The following IGFBP3 variants were observed in gnomAD, a reference collection of about 807,000 sequenced individuals.
IGFBP3 encodes insulin-like growth factor-binding protein 3.
A neutral mutation model predicts 28.6 loss-of-function variants in IGFBP3; 9 were observed. The ratio of observed to expected loss-of-function variants is 0.31; its 90% CI spans 0.19 to 0.55. The LOEUF is 0.55. IGFBP3 is among the 20% of genes least tolerant of loss of function. IGFBP3 has a pLI of 0.93. For synonymous variants in IGFBP3, 185 were observed against 188.2 expected (o/e 0.98, Z 0.14); for missense variants, 382 against 428.9 (o/e 0.89, Z 0.97).
chr7:45,919,586 C>G (rs1261736973), intron 1 of IGFBP3, among the ~76,000 whole-genome samples: 3 of 152,218 alleles, frequency 2.0e-5, no homozygotes, highest in Admixed American at 1.3e-4. Context: ...GTTCATCCTG[C>G]TAGCCCTAGA....
At chr7:45,920,478 C>A in intron 1 of IGFBP3, 1 of 387,736 alleles carries the variant, frequency 2.6e-6, no homozygotes, top group Non-Finnish European at 4.5e-6. Context: ...GCTCCGGAAA[C>A]CTTTAACCCA....
In IGFBP3 at chr7:45,912,350, TA is replaced by T. The variant is rs1424727243; in HGVS notation, c.*1499del. The T allele has an allele frequency of 1.3e-5, 2 of 152,112 alleles. No individual in the cohort carries two copies. Among genetic ancestry groups the T allele is most frequent in the African/African-American group, 2.4e-5 (1 of 41,566 alleles). 9.4% of individuals were successfully genotyped at this position (152,112 alleles called of 1,614,324 possible). A position where few individuals can be genotyped will look rare whatever the true frequency, so the allele number is the denominator to read the frequency against. On this transcript the variant is annotated 3_prime_UTR_variant, in exon 5 of 5. Transcript: ENST00000613132. The stretch of plus-strand genomic sequence containing the variant: ...AGATGGTCAATAACAAAGGGAAAGA[TA>T]TTTTTTTAATGGTAAAAACTTTATT...
Position 45,914,800 on chromosome 7 carries a change from C to T in IGFBP3, c.*15+5G>A, listed in dbSNP as rs375547886. 1.0e-4 allele frequency: 169 copies of T among 1,613,268 alleles called. No individual in the cohort carries two copies. Among genetic ancestry groups the T allele is most frequent in the Middle Eastern group, 1.6e-4 (1 of 6,078 alleles). On this transcript the variant is annotated splice_donor_5th_base_variant and intron_variant, in intron 4 of 4. Coordinates refer to ENST00000613132, the MANE Select transcript of IGFBP3 (RefSeq NM_000598.5). ...AGCCCCAGGCTGCCCCTCCTGAGTACTCACCCTTGCGGCAGGCGTCTACTT... is the reference window on the plus strand; with the variant it reads ...AGCCCCAGGCTGCCCCTCCTGAGTATTCACCCTTGCGGCAGGCGTCTACTT...
At chr7:45,917,801 G>C (rs775053463) in intron 1 of IGFBP3, among the ~76,000 whole-genome samples, 14 of 152,172 alleles carry the variant, frequency 9.2e-5, no homozygotes, top group Non-Finnish European at 2.1e-4. Flanking sequence ...CTGCAGCGCC[G>C]GCTCAGAAAT....
chr7:45,920,541 A>C (rs1047868854), intron 1 of IGFBP3, 197 bp downstream of exon 1: 61 of 450,204 alleles, frequency 1.4e-4, no homozygotes, highest in Non-Finnish European at 1.4e-4. Flanking sequence ...TAGAGAATCG[A>C]GCAAGTAGAG....
At chr7:45,917,075 G>A in intron 2 of IGFBP3, 138 bp downstream of exon 2, 1 of 676,292 alleles carries the variant, frequency 1.5e-6, no homozygotes, top group Non-Finnish European at 2.6e-6. Context: ...AGAGAGGTAG[G>A]GCACAGAGGG....
Position 45,921,237 on chromosome 7 carries a change from G to T in IGFBP3, c.-97C>A. The T allele has an allele frequency of 1.4e-6, 2 of 1,384,232 alleles. No homozygotes were observed. Among genetic ancestry groups the T allele is most frequent in the East Asian group, 2.8e-5 (1 of 36,010 alleles). The allele number at this position is 1,384,232 out of a possible 1,614,324, so 85.7% of individuals were successfully genotyped here. On this transcript the variant is annotated 5_prime_UTR_variant, in exon 1 of 5. Transcript: ENST00000613132. Reference sequence around the variant, plus strand: ...AGCTGTGGAATCCAGGCAGGAAGCGGCTGATCCTCAGCGCCCAGCCGCAGT... The same window carrying T: ...AGCTGTGGAATCCAGGCAGGAAGCGTCTGATCCTCAGCGCCCAGCCGCAGT...
At chr7:45,917,614 T>C (rs1409136776) in intron 1 of IGFBP3, among the ~76,000 whole-genome samples, 175 bp from the exon 2 acceptor site, 3 of 152,140 alleles carry the variant, frequency 2.0e-5, no homozygotes, top group African/African-American at 7.2e-5. Context: ...TACTACTCAC[T>C]ACATGGTGGT....
chr7:45,918,257 A>G (rs1784640280), intron 1 of IGFBP3, among the ~76,000 whole-genome samples: 1 of 149,892 alleles, frequency 6.7e-6, no homozygotes, highest in Non-Finnish European at 1.5e-5. Flanking sequence ...CAGACTTCTA[A>G]GTGCCAAAGA....
intron 1 of IGFBP3, among the ~76,000 whole-genome samples, chr7:45,917,800 C>T (rs992738964): frequency 1.3e-5 from 2 of 152,182 alleles, no homozygotes; most frequent in Non-Finnish European, 2.9e-5. Context: ...GCTGCAGCGC[C>T]GGCTCAGAAA....
chr7:45,916,691 C>A (rs1304020747), intron 2 of IGFBP3, 24 bp from the exon 3 acceptor site: 1 of 1,597,510 alleles, frequency 6.3e-7, no homozygotes, highest in South Asian at 1.1e-5. Context: ...AGGACCAGAG[C>A]AACAGAGTCA....
At chr7:45,917,913 G>A (rs1282982951) in intron 1 of IGFBP3, among the ~76,000 whole-genome samples, 1 of 152,218 alleles carries the variant, frequency 6.6e-6, no homozygotes. Flanking sequence ...CGCTGGAGTG[G>A]CGGCAGCAGT....
At chr7:45,915,398 A>G in intron 3 of IGFBP3, 1 of 171,236 alleles carries the variant, frequency 5.8e-6, no homozygotes, top group Non-Finnish European at 1.2e-5. Context: ...ATGGCAATGG[A>G]GGAAAGCTTA....
At chr7:45,917,810 AT>A (rs1336060249) in intron 1 of IGFBP3, among the ~76,000 whole-genome samples, 1 of 152,132 alleles carries the variant, frequency 6.6e-6, no homozygotes, top group Non-Finnish European at 1.5e-5. Context: ...CGGCTCAGAA[AT>A]TTTGCAGTCA....
intron 3 of IGFBP3, chr7:45,915,309 C>T: frequency 4.6e-6 from 1 of 218,392 alleles, no homozygotes; most frequent in Non-Finnish European, 9.1e-6. Flanking sequence ...AGCCCACATC[C>T]AGCCTCACAT....
chr7:45,914,980 G>A, intron 3 of IGFBP3, 35 bp from the exon 4 acceptor site: 1 of 1,611,902 alleles, frequency 6.2e-7, no homozygotes, highest in Non-Finnish European at 8.5e-7. Flanking sequence ...AGAAGTGAAT[G>A]CTCCTGGGTC....
Position 45,920,927 on chromosome 7 carries a change from T to A in IGFBP3, c.214A>T (p.Thr72Ser). 7.1e-7 allele frequency: 1 copy of A among 1,412,650 alleles called. No homozygotes were observed. The highest frequency in any genetic ancestry group is 2.5e-4 in the Middle Eastern group (1 of 3,950). The allele number at this position is 1,412,650 out of a possible 1,614,324, so 87.5% of individuals were successfully genotyped here. Residue 72 changes from threonine to serine, a missense_variant, in exon 1 of 5, where the codon ACG becomes TCG. Thr to Ser is a moderately conservative substitution (Grantham distance 58). Transcript: ENST00000613132. ...GGCTGGCCCTCGCTCAGTGCGCACG[T>A]CAGGCAGCAGCCGCAGCCCGGCTCG... is the stretch of plus-strand genomic sequence containing the variant. ...VREPGCGCCL[T>S]CALSEGQPCG... is the part of the protein sequence containing the mutation.
At position 45,912,689 on chromosome 7, in the gene IGFBP3, AGT is replaced by A. The variant is rs1784560215; in HGVS notation, c.*1159_*1160del. The A allele has an allele frequency of 6.6e-6, 1 of 152,618 alleles. No individual in the cohort carries two copies. The highest frequency in any genetic ancestry group is 2.4e-5 in the African/African-American group (1 of 41,436). 9.5% of individuals were successfully genotyped at this position (152,618 alleles called of 1,614,324 possible). ...TCTAACATTTCATCTAGGATTATCT[AGT>A]ATAGATCTTACTATATTTGGGGCTA... is the stretch of plus-strand genomic sequence containing the variant. On this transcript the variant is annotated 3_prime_UTR_variant, in exon 5 of 5. Transcript: ENST00000613132.
At chr7:45,915,660 C>A (rs1784599987) in intron 3 of IGFBP3, among the ~76,000 whole-genome samples, 1 of 152,130 alleles carries the variant, frequency 6.6e-6, no homozygotes, top group African/African-American at 2.4e-5. Flanking sequence ...CATATGACTA[C>A]ATTTGGGGCT....
Sources: gnomAD v4.1 joint callset for allele counts (sites outside exome capture counted in the v4.1 genomes callset) on GRCh38, gnomAD v4.1.1 for gene constraint, MANE v1.5 for transcripts, NCBI Gene and HGNC (gene_info 2026-07-23, HGNC 2026-07-21) for gene names.